Variants in SMARCC1 observed in about 807,000 individuals in gnomAD.
SMARCC1 encodes the protein SWI/SNF complex subunit SMARCC1.
SMARCC1 carries 43 observed loss-of-function variants against 147.4 expected under a neutral mutation model. The ratio of observed to expected loss-of-function variants is 0.29; its 90% CI spans 0.23 to 0.38. The LOEUF is 0.38. Among genes scored for constraint, SMARCC1 ranks in the 10% least tolerant of loss-of-function variants. The probability of loss-of-function intolerance (pLI) is 1.00; values close to 1 mark genes in which losing one functional copy is unlikely to be tolerated. For synonymous variants in SMARCC1, 495 were observed against 484.4 expected (o/e 1.02, Z -0.29); for missense variants, 1,119 against 1,381.1 (o/e 0.81, Z 3.01).
intron 21 of SMARCC1, among the ~76,000 whole-genome samples, chr3:47,658,269 C>A (rs2033289210): frequency 6.6e-6 from 1 of 152,160 alleles, no homozygotes; most frequent in Non-Finnish European, 1.5e-5. Context: ...ATAGAATTCA[C>A]CCATTTATTG....
intron 26 of SMARCC1, among the ~76,000 whole-genome samples, chr3:47,593,731 G>A (rs559772410): frequency 9.2e-5 from 14 of 152,226 alleles, no homozygotes; most frequent in African/African-American, 3.4e-4. Flanking sequence ...TATAGAAAGA[G>A]GTCTATCTAA....
intron 24 of SMARCC1, among the ~76,000 whole-genome samples, chr3:47,626,973 T>C (rs953864071): frequency 6.6e-6 from 1 of 152,168 alleles, no homozygotes; most frequent in African/African-American, 2.4e-5. Context: ...AACCTACCTA[T>C]GAAGTTAATA....
chr3:47,591,370 C>T lies in SMARCC1; in HGVS notation c.3044-533G>A, dbSNP rs146037385. Among the ~76,000 whole-genome samples, 4 of 148,028 alleles carry T rather than the reference C, an allele frequency of 2.7e-5. No individual in the cohort carries two copies. The South Asian group carries it at 6.4e-4, about 24-fold the overall frequency. On this transcript the variant is annotated intron_variant, in intron 26 of 27. Transcript: ENST00000254480. ...GATTTGAATCCCCAATTCCTGTCCA[C>T]AAATATTTCTCCCATTAAAAGCCTC...
chr3:47,778,478 T>C (rs889854152), intron 1 of SMARCC1, among the ~76,000 whole-genome samples: 2 of 151,890 alleles, frequency 1.3e-5, no homozygotes, highest in Non-Finnish European at 2.9e-5. Flanking sequence ...ACAACTGATG[T>C]ATTTTTTTGT....
chr3:47,696,445 A>G (rs941581810), intron 11 of SMARCC1, among the ~76,000 whole-genome samples: 1 of 152,138 alleles, frequency 6.6e-6, no homozygotes, highest in East Asian at 1.9e-4. Flanking sequence ...ACGGCACAAC[A>G]TATGTCCTTT....
chr3:47,602,447 G>A (rs999439735), intron 26 of SMARCC1, among the ~76,000 whole-genome samples: 1 of 152,082 alleles, frequency 6.6e-6, no homozygotes, highest in African/African-American at 2.4e-5. Flanking sequence ...ACAGGCACAC[G>A]CCACCACACC....
At chr3:47,626,291 C>A (rs1424180033) in intron 24 of SMARCC1, among the ~76,000 whole-genome samples, 2 of 151,432 alleles carry the variant, frequency 1.3e-5, no homozygotes, top group Non-Finnish European at 2.9e-5. Flanking sequence ...GGATTACAGG[C>A]GCCCGCCACC....
chr3:47,756,588 T>C (rs1191532098), intron 2 of SMARCC1, among the ~76,000 whole-genome samples: 1 of 149,066 alleles, frequency 6.7e-6, no homozygotes, highest in Non-Finnish European at 1.5e-5. Context: ...CAAAAAGTAT[T>C]AACAACACAG....
At chr3:47,638,602 A>G (rs1396140467) in intron 22 of SMARCC1, 123 bp downstream of exon 22, 8 of 718,440 alleles carry the variant, frequency 1.1e-5, no homozygotes, top group Non-Finnish European at 2.0e-5. Flanking sequence ...TTAAACCAGC[A>G]AAGTCCAAGT....
In SMARCC1 at chr3:47,588,048, G is replaced by C. The variant is rs1249193954; in HGVS notation, c.*161C>G. On this transcript the variant is annotated 3_prime_UTR_variant, in exon 28 of 28. Coordinates refer to ENST00000254480, the MANE Select transcript of SMARCC1 (RefSeq NM_003074.4). Reference sequence around the variant, plus strand: ...TGAGGACCCAACACAAAAAGTGTCAGAGAGAGGGGTGGTAAGAGGAGTGGG... The same window carrying C: ...TGAGGACCCAACACAAAAAGTGTCACAGAGAGGGGTGGTAAGAGGAGTGGG... 9.9e-6 allele frequency: 6 copies of C among 605,004 alleles called. No individual in the cohort carries two copies. In the African/African-American group the frequency reaches 1.1e-4, roughly 11 times the overall value. The allele number at this position is 605,004 out of a possible 1,614,324, so 37.5% of individuals were successfully genotyped here.
At position 47,741,591 on chromosome 3, in the gene SMARCC1, G is replaced by A. The variant is rs907633945; in HGVS notation, c.402-3481C>T. On this transcript the variant is annotated intron_variant, in intron 3 of 27. Transcript: ENST00000254480. Reference sequence around the variant, plus strand: ...TCCCTTACTCCTCCAACTACTCAACGTGAAGACAAGGATGAGTATCTTTAC... The same window carrying A: ...TCCCTTACTCCTCCAACTACTCAACATGAAGACAAGGATGAGTATCTTTAC... Among the ~76,000 whole-genome samples, 4 of 151,354 alleles carry A rather than the reference G, an allele frequency of 2.6e-5. No homozygotes were observed. The Middle Eastern group carries it at 0.01, about 389-fold the overall frequency.
rs1486333535 is a variant in SMARCC1, at chr3:47,662,601, G to GA, written c.1900-10dup. On this transcript the variant is annotated splice_polypyrimidine_tract_variant and intron_variant, in intron 19 of 27. Transcript: ENST00000254480. Reference sequence around the variant, plus strand: ...TTGTACATCTCCAGGGCCTAAGACAGAAAAAACAGATGCTTTCATGTCAGG... The same window carrying GA: ...TTGTACATCTCCAGGGCCTAAGACAGAAAAAAACAGATGCTTTCATGTCAGG... 1.2e-6 allele frequency: 2 copies of GA among 1,605,610 alleles called. No homozygotes were observed. The highest frequency in any genetic ancestry group is 2.7e-5 in the African/African-American group (2 of 74,310).
At chr3:47,701,454 T>G in intron 10 of SMARCC1, 52 bp from the exon 11 acceptor site, 2 of 1,528,806 alleles carry the variant, frequency 1.3e-6, no homozygotes, top group African/African-American at 1.4e-5. Flanking sequence ...TAGCTACTGA[T>G]AGCAAACAGT....
rs2108223148 is a variant in SMARCC1 at position 47,590,688 on chromosome 3, C to T, written c.3193G>A (p.Val1065Ile). ...ATGCCGTTAGGTGCTGTCAGGGGTA[C>T]CCGGGGTCCTAAGATGTTTCCTGGC... is the stretch of plus-strand genomic sequence containing the variant. ...PMPGNILGPR[V>I]PLTAPNGMYP... The change falls in exon 27 of 28, where the codon GTA (valine) becomes ATA (isoleucine). Residue 1065 changes from valine to isoleucine, a missense_variant. Physicochemically the swap from Val to Ile is conservative, Grantham distance 29. Transcript: ENST00000254480. The T allele has an allele frequency of 6.4e-7, 1 of 1,559,868 alleles. No homozygotes were observed. Among genetic ancestry groups the T allele is most frequent in the East Asian group, 2.4e-5 (1 of 42,112 alleles).
chr3:47,609,505 A>AG (rs35358540), intron 26 of SMARCC1, among the ~76,000 whole-genome samples: 30,766 of 152,048 alleles, frequency 0.2, 3,363 homozygotes, highest in Middle Eastern at 0.28. Context: ...TCAAAAAAAA[A>AG]AAAAAGACTC....
chr3:47,764,695 T>C (rs2034815618), intron 2 of SMARCC1, among the ~76,000 whole-genome samples: 1 of 152,314 alleles, frequency 6.6e-6, no homozygotes, highest in Non-Finnish European at 1.5e-5. Flanking sequence ...TCACTGCCCT[T>C]GCACATGAAT....
Position 47,588,242 on chromosome 3 carries a change from A to AGGAGGC in SMARCC1, c.3279_3284dup (p.Pro1094_Pro1095dup), listed in dbSNP as rs1353819172. On this transcript the variant is annotated inframe_insertion, in exon 28 of 28. Coordinates refer to ENST00000254480, the MANE Select transcript of SMARCC1 (RefSeq NM_003074.4). Reference sequence around the variant, plus strand: ...CAGCTGAGGCTGGCGGGCCAGGAGCAGGAGGCGGAGGGACCCCATCTGCAG... The same window carrying AGGAGGC: ...CAGCTGAGGCTGGCGGGCCAGGAGCAGGAGGCGGAGGCGGAGGGACCCCATCTGCAG... 3 of 1,613,746 alleles carry AGGAGGC rather than the reference A, an allele frequency of 1.9e-6. No individual in the cohort carries two copies. The African/African-American group carries it at 4.0e-5, about 22-fold the overall frequency.
chr3:47,706,936 G>GTCTT (rs1305529582), intron 9 of SMARCC1, among the ~76,000 whole-genome samples: 1 of 152,138 alleles, frequency 6.6e-6, no homozygotes, highest in East Asian at 1.9e-4. Context: ...AGCATTATAG[G>GTCTT]AATTATTCTT....
In SMARCC1 at chr3:47,609,373, T is replaced by C. The variant is rs374927866; in HGVS notation, c.3043+693A>G. ...TTAGCCAGGCATGGTGGTGGGCGCC[T>C]GTAGTCCCAGCTACTCGGGAGGCTG... is the stretch of plus-strand genomic sequence containing the variant. On this transcript the variant is annotated intron_variant, in intron 26 of 27. Coordinates refer to ENST00000254480, the MANE Select transcript of SMARCC1 (RefSeq NM_003074.4). Among the ~76,000 whole-genome samples, 8 of 151,958 alleles carry C rather than the reference T, an allele frequency of 5.3e-5. No homozygotes were observed. In the East Asian group the frequency reaches 5.8e-4, roughly 11 times the overall value.
Sources: allele counts gnomAD v4.1 joint callset (sites outside exome capture counted in the v4.1 genomes callset), GRCh38; gene constraint gnomAD v4.1.1; transcripts MANE v1.5; gene names NCBI Gene and HGNC (gene_info 2026-07-23, HGNC 2026-07-21).